TUSC3: variants seen among roughly 807,000 people sequenced by gnomAD.
The protein encoded by TUSC3 is dolichyl-diphosphooligosaccharide--protein glycosyltransferase subunit TUSC3.
Under a neutral mutation model 44.8 loss-of-function variants are expected in TUSC3, and 45 were observed. The observed-to-expected ratio is 1.00, with a 90% confidence interval of 0.79 to 1.29. The LOEUF is 1.29. TUSC3 is among the 50% of genes most tolerant of loss of function. The pLI, the probability that TUSC3 is intolerant of heterozygous loss-of-function variation, is 0.00. For missense variants in TUSC3, 519 were observed against 437.9 expected, an observed-to-expected ratio of 1.19 and a Z score of -1.65; for synonymous variants, 212 against 152.9, an observed-to-expected ratio of 1.39 and a Z score of -2.85.
chr8:15,715,134 C>T (rs962002008), intron 6 of TUSC3, among the ~76,000 whole-genome samples: 38 of 152,150 alleles, frequency 2.5e-4, no homozygotes, highest in African/African-American at 9.2e-4. Context: ...AATCTTTATA[C>T]AGTCCACCCT....
intron 1 of TUSC3, among the ~76,000 whole-genome samples, chr8:15,596,019 A>T (rs1804051348): frequency 6.6e-6 from 1 of 152,212 alleles, no homozygotes; most frequent in African/African-American, 2.4e-5. Context: ...AATAGGTCCA[A>T]GGTTATAGCC....
At chr8:15,495,565 T>G (rs1585065518) in intron 2 of TUSC3, among the ~76,000 whole-genome samples, 2 of 152,102 alleles carry the variant, frequency 1.3e-5, no homozygotes, top group East Asian at 1.9e-4. Flanking sequence ...TCATATTCTT[T>G]GTCTAGCAGC....
At chr8:15,844,071 T>G in the TUSC3 span, among the ~76,000 whole-genome samples, 1 of 152,160 alleles carries the variant, frequency 6.6e-6, no homozygotes, top group Admixed American at 6.5e-5. Context: ...CAATCTCTTC[T>G]ACCTCTGAAG....
At chr8:15,434,855 G>A (rs1799925765) in intron 1 of TUSC3, among the ~76,000 whole-genome samples, 1 of 151,978 alleles carries the variant, frequency 6.6e-6, no homozygotes, top group Admixed American at 6.6e-5. Flanking sequence ...TCCCTACAAA[G>A]GACATGAACT....
chr8:15,744,122 T>A (rs972871502), intron 8 of TUSC3, among the ~76,000 whole-genome samples: 1 of 152,220 alleles, frequency 6.6e-6, no homozygotes, highest in African/African-American at 2.4e-5. Flanking sequence ...CTATTGATAC[T>A]ATCTTTTCCA....
intron 5 of TUSC3, among the ~76,000 whole-genome samples, chr8:15,664,206 G>T (rs1807553155): frequency 1.3e-5 from 2 of 151,684 alleles, no homozygotes. Context: ...GCTAGAATGT[G>T]ATTGAACTGA....
At chr8:15,508,497 T>A (rs1230931244) in intron 2 of TUSC3, among the ~76,000 whole-genome samples, 1 of 141,792 alleles carries the variant, frequency 7.1e-6, no homozygotes, top group Non-Finnish European at 1.5e-5. Flanking sequence ...GAGTCTCTCT[T>A]GTTGCCCAGG....
At chr8:15,768,248 CAT>C (rs1206570404), downstream of TUSC3, among the ~76,000 whole-genome samples, 2 of 152,088 alleles carry the variant, frequency 1.3e-5, no homozygotes, top group Non-Finnish European at 2.9e-5. Context: ...ACACAGACAA[CAT>C]GTGACAGTTT....
chr8:15,643,798 G>C (rs1255867321), intron 2 of TUSC3, among the ~76,000 whole-genome samples: 1 of 152,164 alleles, frequency 6.6e-6, no homozygotes, highest in Non-Finnish European at 1.5e-5. Context: ...AGAAGTCTTT[G>C]TGCAGGGTGT....
the TUSC3 span, among the ~76,000 whole-genome samples, chr8:15,791,206 T>C: frequency 6.6e-6 from 1 of 152,042 alleles, no homozygotes; most frequent in Non-Finnish European, 1.5e-5. Context: ...TAGTTGCTGA[T>C]GTAATGATGA....
the TUSC3 span, among the ~76,000 whole-genome samples, chr8:15,791,772 G>A: frequency 1.3e-5 from 2 of 152,048 alleles, no homozygotes; most frequent in African/African-American, 4.8e-5. Context: ...TACTGGTAAG[G>A]TCATAGGTCT....
chr8:15,707,961 C>G (rs28588500), intron 6 of TUSC3, among the ~76,000 whole-genome samples: 6,125 of 151,840 alleles, frequency 0.04, 358 homozygotes, highest in African/African-American at 0.14. Context: ...TAATAGATGC[C>G]CCACTCCAGT....
At chr8:15,471,865 A>G (rs1442593864) in intron 1 of TUSC3, among the ~76,000 whole-genome samples, 3 of 151,754 alleles carry the variant, frequency 2.0e-5, no homozygotes, top group African/African-American at 7.3e-5. Flanking sequence ...TGATCCACCG[A>G]CCCCTGCCTC....
rs556167735 is a variant in TUSC3 at position 15,459,856 on chromosome 8, A to ATG, written n.92-23512_92-23511dup. On this transcript the variant is annotated intron_variant and non_coding_transcript_variant, in intron 1 of 5. Coordinates refer to the TUSC3 transcript ENST00000503191. ...TTTGTGTGTGTGTGTGTGTGTGTGT[A>ATG]TGTGTGTGTGTGTGTGTGTATACAT... Among the ~76,000 whole-genome samples the ATG allele has an allele frequency of 6.1e-3, 856 of 139,500 alleles. 9 individuals are homozygous for ATG. The highest frequency in any genetic ancestry group is 0.016 in the Middle Eastern group (4 of 250). The allele number at this position is 139,500 out of a possible 152,430, so 91.5% of individuals were successfully genotyped here. A position where few individuals can be genotyped will look rare whatever the true frequency, so the allele number is the denominator to read the frequency against.
At chr8:15,804,140 G>A in the TUSC3 span, among the ~76,000 whole-genome samples, 1 of 152,124 alleles carries the variant, frequency 6.6e-6, no homozygotes, top group African/African-American at 2.4e-5. Flanking sequence ...CTTCCACAAC[G>A]GTTGAACTAA....
chr8:15,772,263 T>C, the TUSC3 span, among the ~76,000 whole-genome samples: 1 of 152,014 alleles, frequency 6.6e-6, no homozygotes, highest in East Asian at 1.9e-4. Context: ...CGAAAGTTGG[T>C]TCTTTGAAAT....
intron 6 of TUSC3, among the ~76,000 whole-genome samples, chr8:15,681,127 G>GT (rs1563169567): frequency 2.1e-4 from 29 of 136,568 alleles, no homozygotes; most frequent in African/African-American, 7.4e-4. Context: ...CTTCATCCTT[G>GT]ATTTTTTTTT....
intron 2 of TUSC3, among the ~76,000 whole-genome samples, chr8:15,640,718 C>T (rs934095215): frequency 5.3e-5 from 8 of 152,014 alleles, no homozygotes; most frequent in Non-Finnish European, 1.2e-4. Context: ...TATTTTTGAA[C>T]CAATTTTTAT....
At chr8:15,711,503 A>ATG (rs1053461647) in intron 6 of TUSC3, among the ~76,000 whole-genome samples, 19 of 144,506 alleles carry the variant, frequency 1.3e-4, no homozygotes, top group African/African-American at 4.5e-4. Flanking sequence ...TGTATTTAAT[A>ATG]TGTGTGTATA....
Sources: gnomAD v4.1 joint callset for allele counts (sites outside exome capture counted in the v4.1 genomes callset) on GRCh38, gnomAD v4.1.1 for gene constraint, MANE v1.5 for transcripts, NCBI Gene and HGNC (gene_info 2026-07-23, HGNC 2026-07-21) for gene names.